GAS7: variants seen among roughly 807,000 people sequenced by gnomAD.
GAS7 encodes growth arrest-specific protein 7.
In GAS7, 28 loss-of-function variants were observed where a neutral mutation model predicts 71.1. That is an observed-to-expected ratio of 0.39 (90% CI 0.29 to 0.54). The LOEUF (loss-of-function observed/expected upper bound fraction) is 0.54. GAS7 is among the 20% of genes least tolerant of loss of function. The pLI is 0.62. For missense variants in GAS7, 436 were observed against 627.8 expected (o/e 0.69, Z 3.27); for synonymous variants, 258 against 245.8 (o/e 1.05, Z -0.46).
At chr17:10,183,268 T>C (rs1270816441) in intron 1 of GAS7, among the ~76,000 whole-genome samples, 1 of 151,970 alleles carries the variant, frequency 6.6e-6, no homozygotes, top group Non-Finnish European at 1.5e-5. Context: ...TTCATAAGAC[T>C]CACAAGTGAT....
intron 1 of GAS7, among the ~76,000 whole-genome samples, chr17:10,073,367 G>C (rs1169617845): frequency 1.3e-5 from 2 of 152,190 alleles, no homozygotes; most frequent in Non-Finnish European, 2.9e-5. Flanking sequence ...AGCCAGTGCA[G>C]GCTTGGATCC....
At chr17:9,934,670 G>T (rs187800155) in intron 8 of GAS7, among the ~76,000 whole-genome samples, 87 of 152,296 alleles carry the variant, frequency 5.7e-4, no homozygotes, top group African/African-American at 1.9e-3. Context: ...GATGAGGGGT[G>T]CAAGCATCTG....
At chr17:10,190,054 C>T (rs1243915959) in intron 1 of GAS7, among the ~76,000 whole-genome samples, 1 of 152,152 alleles carries the variant, frequency 6.6e-6, no homozygotes, top group East Asian at 1.9e-4. Context: ...GGAACACAGG[C>T]ACGCCCATTG....
chr17:10,104,593 A>G (rs553708104), intron 1 of GAS7, among the ~76,000 whole-genome samples: 43 of 152,264 alleles, frequency 2.8e-4, no homozygotes, highest in African/African-American at 1.0e-3. Flanking sequence ...AATCTAACGA[A>G]TCTAATGACT....
intron 1 of GAS7, chr17:10,059,822 G>A: frequency 4.1e-6 from 4 of 984,574 alleles, no homozygotes; most frequent in Non-Finnish European, 4.8e-6. Context: ...ATAGAAAGTT[G>A]CAGCCACGCA....
chr17:10,036,420 A>C lies in GAS7; in HGVS notation c.184-16523T>G, dbSNP rs751144161. On this transcript the variant is annotated intron_variant, in intron 1 of 13. Coordinates refer to ENST00000432992, the MANE Select transcript of GAS7 (RefSeq NM_201433.2). ...TGGAGCATACATCTGCAGGCAAGAA[A>C]AATCAATTCTTACCATCAGAGAACA... 88 of 1,599,966 alleles carry C rather than the reference A, an allele frequency of 5.5e-5. 4 individuals are homozygous for C. In the South Asian group the frequency reaches 9.1e-4, roughly 17 times the overall value.
chr17:9,930,365 C>G (rs1034058602), intron 9 of GAS7, among the ~76,000 whole-genome samples: 1 of 152,044 alleles, frequency 6.6e-6, no homozygotes, highest in Non-Finnish European at 1.5e-5. Context: ...GAAATGAAAC[C>G]CCAGGGGAGC....
At chr17:10,150,666 G>A (rs1216431208) in intron 1 of GAS7, among the ~76,000 whole-genome samples, 2 of 147,992 alleles carry the variant, frequency 1.4e-5, no homozygotes, top group African/African-American at 5.0e-5. Flanking sequence ...TCGGCTCACT[G>A]CAACCTCTGC....
chr17:9,945,111 T>C (rs2068742803), intron 6 of GAS7, among the ~76,000 whole-genome samples: 1 of 152,114 alleles, frequency 6.6e-6, no homozygotes, highest in African/African-American at 2.4e-5. Context: ...CCCCACACGC[T>C]GACCTCCAGC....
chr17:9,938,646 G>T (rs1174226421), intron 8 of GAS7, among the ~76,000 whole-genome samples: 1 of 151,566 alleles, frequency 6.6e-6, no homozygotes, highest in Non-Finnish European at 1.5e-5. Context: ...GGACTTCCCA[G>T]CCTCCAGAGC....
intron 1 of GAS7, among the ~76,000 whole-genome samples, chr17:10,111,342 G>A (rs2073810421): frequency 6.6e-6 from 1 of 150,792 alleles, no homozygotes; most frequent in Non-Finnish European, 1.5e-5. Context: ...GACAATGTTG[G>A]ATAACACAGT....
intron 2 of GAS7, among the ~76,000 whole-genome samples, chr17:9,992,492 C>T (rs1339401755): frequency 6.6e-6 from 1 of 151,840 alleles, no homozygotes; most frequent in Non-Finnish European, 1.5e-5. Flanking sequence ...GGAGAAGGTT[C>T]CAGTGTGTGG....
At position 9,919,735 on chromosome 17, in the gene GAS7, A is replaced by G. The variant is rs74361584; in HGVS notation, c.1139-30T>C. 1.7e-3 allele frequency: 2,539 copies of G among 1,509,204 alleles called. 33 individuals carry two copies. In the African/African-American group the frequency reaches 0.032, roughly 19 times the overall value. 93.5% of individuals were successfully genotyped at this position (1,509,204 alleles called of 1,614,324 possible). On this transcript the variant is annotated intron_variant, in intron 11 of 13. Transcript: ENST00000432992. The surrounding 1 kb of genome is among the most constrained non-coding windows in gnomAD (Gnocchi z 5.0). ...AAAAAGACCACAGTCACCATCATGA[A>G]GCATCCTATCCTCACCATGACTCTG...
intron 7 of GAS7, among the ~76,000 whole-genome samples, chr17:9,941,347 C>T (rs977091257): frequency 6.6e-6 from 1 of 152,190 alleles, no homozygotes; most frequent in Non-Finnish European, 1.5e-5. Flanking sequence ...TGCCACGCTC[C>T]CGGCTCCTCA....
Position 10,059,725 on chromosome 17 carries a change from A to G in GAS7, c.184-39828T>C, listed in dbSNP as rs186298890. The G allele has an allele frequency of 1.5e-4, 144 of 985,356 alleles. 1 individual carries two copies. The highest frequency in any genetic ancestry group is 1.3e-3 in the Admixed American group (21 of 16,270). The allele number at this position is 985,356 out of a possible 1,614,324, so 61.0% of individuals were successfully genotyped here. The stretch of plus-strand genomic sequence containing the variant: ...TGTGGTGTGTCCTTATGCAAATCTG[A>G]CACGCTGGTCATTTTCTGCCACCAT... On this transcript the variant is annotated intron_variant, in intron 1 of 13. Transcript: ENST00000432992.
chr17:9,995,739 T>C (rs1178093666), intron 2 of GAS7, among the ~76,000 whole-genome samples: 4 of 152,222 alleles, frequency 2.6e-5, no homozygotes, highest in East Asian at 1.9e-4. Flanking sequence ...AAAGCCCAAA[T>C]GCACGTGTCT....
rs550179783 is a variant in GAS7, at chr17:9,915,505, T to C, written c.*1723A>G. 4.4e-6 allele frequency: 1 copy of C among 228,868 alleles called. No individual in the cohort carries two copies. Among genetic ancestry groups the C allele is most frequent in the African/African-American group, 2.2e-5 (1 of 45,242 alleles). The allele number at this position is 228,868 out of a possible 1,614,324, so 14.2% of individuals were successfully genotyped here. A position where few individuals can be genotyped will look rare whatever the true frequency, so the allele number is the denominator to read the frequency against. ...AGGTGAAGGCCTTTGTGCTGACCTT[T>C]TTGGTTGCAATGTTTCAAGAACAAG... On this transcript the variant is annotated 3_prime_UTR_variant, in exon 14 of 14. Transcript: ENST00000432992.
intron 2 of GAS7, among the ~76,000 whole-genome samples, chr17:10,007,120 T>C (rs1169099512): frequency 6.6e-6 from 1 of 152,256 alleles, no homozygotes; most frequent in African/African-American, 2.4e-5. Flanking sequence ...TATTACACAG[T>C]GTCCTTGCAA....
intron 1 of GAS7, among the ~76,000 whole-genome samples, chr17:10,117,554 C>A (rs1262936495): frequency 6.6e-6 from 1 of 152,116 alleles, no homozygotes; most frequent in Non-Finnish European, 1.5e-5. Context: ...AGGAGTGAGA[C>A]CAACGGGGAG....
Sources: gnomAD v4.1 joint callset for allele counts (sites outside exome capture counted in the v4.1 genomes callset) on GRCh38, gnomAD v4.1.1 for gene constraint, Gnocchi (gnomAD v3.1) non-coding constraint, MANE v1.5 for transcripts, NCBI Gene and HGNC (gene_info 2026-07-23, HGNC 2026-07-21) for gene names.